Variants in TP63 observed in about 807,000 individuals in gnomAD.
The protein encoded by TP63 is tumor protein 63.
TP63 carries 17 observed loss-of-function variants against 82.8 expected under a neutral mutation model. The observed-to-expected ratio is 0.21, with a 90% confidence interval of 0.14 to 0.31. The LOEUF (loss-of-function observed/expected upper bound fraction) is 0.31. Among genes scored for constraint, TP63 ranks in the 10% least tolerant of loss-of-function variants. TP63 has a pLI of 1.00. For synonymous variants in TP63, 330 were observed against 321.7 expected (o/e 1.03, Z -0.28); for missense variants, 648 against 895.3 (o/e 0.72, Z 3.52).
At chr3:189,853,120 T>A (rs1272924796) in intron 4 of TP63, among the ~76,000 whole-genome samples, 1 of 152,250 alleles carries the variant, frequency 6.6e-6, no homozygotes, top group Non-Finnish European at 1.5e-5. Context: ...TCATCACCTC[T>A]ACTGCTGGTC....
intron 1 of TP63, among the ~76,000 whole-genome samples, chr3:189,705,413 A>G (rs1017208807): frequency 6.6e-6 from 1 of 152,016 alleles, no homozygotes; most frequent in East Asian, 1.9e-4. Flanking sequence ...AACGCTTTTC[A>G]TTCTTATTCT....
intron 3 of TP63, among the ~76,000 whole-genome samples, chr3:189,779,475 A>G (rs927987974): frequency 3.9e-5 from 6 of 152,188 alleles, no homozygotes; most frequent in Admixed American, 2.0e-4. Context: ...ACATGTAGGG[A>G]AAAAAGCTGC....
At chr3:189,633,386 C>T (rs2108604581) in intron 1 of TP63, among the ~76,000 whole-genome samples, 1 of 152,148 alleles carries the variant, frequency 6.6e-6, no homozygotes, top group South Asian at 2.1e-4. Flanking sequence ...CTCCCACCTT[C>T]CACCCTCTGA....
chr3:189,683,363 G>T (rs1220213893), intron 1 of TP63, among the ~76,000 whole-genome samples: 1 of 152,166 alleles, frequency 6.6e-6, no homozygotes, highest in South Asian at 2.1e-4. Flanking sequence ...TCAGTATGTG[G>T]CAGAGCTAAA....
At chr3:189,807,634 AT>A (rs989627791) in intron 3 of TP63, among the ~76,000 whole-genome samples, 1 of 152,192 alleles carries the variant, frequency 6.6e-6, no homozygotes, top group African/African-American at 2.4e-5. Context: ...AGTTTGGATG[AT>A]TTACTAGCAT....
chr3:189,852,178 G>C (rs987656700), intron 4 of TP63, among the ~76,000 whole-genome samples: 2 of 152,174 alleles, frequency 1.3e-5, no homozygotes, highest in East Asian at 1.9e-4. Flanking sequence ...ACAGTTGTTG[G>C]TGTTGGACAA....
rs563291347 is a variant in TP63, at chr3:189,665,578, A to G, written c.62+34001A>G. On this transcript the variant is annotated intron_variant, in intron 1 of 13. Coordinates refer to ENST00000264731, the MANE Select transcript of TP63 (RefSeq NM_003722.5). ...GAAGGCAAAACCTAACATGCAGAGG[A>G]TGGCTGAGCAGGAAGAAGAGTGAAT... Among the ~76,000 whole-genome samples, 12 of 152,240 alleles carry G rather than the reference A, an allele frequency of 7.9e-5. No individual in the cohort carries two copies. In the East Asian group the frequency reaches 2.3e-3, roughly 29 times the overall value.
At chr3:189,613,595 G>A in the TP63 span, among the ~76,000 whole-genome samples, 1 of 152,146 alleles carries the variant, frequency 6.6e-6, no homozygotes, top group African/African-American at 2.4e-5. Context: ...GTGAGAAGAG[G>A]GCCACAGTCC....
intron 2 of TP63, 26 bp downstream of exon 2, chr3:189,737,894 T>G: frequency 6.2e-7 from 1 of 1,613,464 alleles, no homozygotes; most frequent in Admixed American, 1.7e-5. Flanking sequence ...GCAAGAAATG[T>G]TTTGCTTGAG....
At chr3:189,628,191 G>A (rs528380978), upstream of TP63, among the ~76,000 whole-genome samples, 1 of 152,202 alleles carries the variant, frequency 6.6e-6, no homozygotes, top group Admixed American at 6.5e-5. Context: ...AAGTGGGGAA[G>A]GTTTCTTTTA....
intron 1 of TP63, among the ~76,000 whole-genome samples, chr3:189,728,888 T>C (rs1182396797): frequency 6.6e-6 from 1 of 152,186 alleles, no homozygotes; most frequent in Non-Finnish European, 1.5e-5. Context: ...TGGGGATTAT[T>C]ACAATTCAAG....
chr3:189,648,360 C>T (rs1317035658), intron 1 of TP63, among the ~76,000 whole-genome samples: 1 of 146,912 alleles, frequency 6.8e-6, no homozygotes, highest in African/African-American at 2.6e-5. Flanking sequence ...TCTGTCTCTT[C>T]ACTTTGGAAA....
At chr3:189,728,091 A>T (rs983762668) in intron 1 of TP63, among the ~76,000 whole-genome samples, 1 of 151,988 alleles carries the variant, frequency 6.6e-6, no homozygotes, top group Non-Finnish European at 1.5e-5. Context: ...TTGCCTAAGG[A>T]TCCAGGATGG....
At chr3:189,765,433 C>CTTTTTTTTTTGTTTTTTTTTTTT (rs1722875011) in intron 3 of TP63, among the ~76,000 whole-genome samples, 1 of 30,088 alleles carries the variant, frequency 3.3e-5, no homozygotes, top group Non-Finnish European at 5.9e-5. Flanking sequence ...CTGTCCTCTG[C>CTTTTTTTTTTGTTTTTTTTTTTT]TTTTTTTTTT....
chr3:189,664,115 A>G (rs1714166642), intron 1 of TP63, among the ~76,000 whole-genome samples: 1 of 152,160 alleles, frequency 6.6e-6, no homozygotes, highest in South Asian at 2.1e-4. Context: ...CTTAGGTCTG[A>G]CTTCCCCCTA....
At position 189,724,838 on chromosome 3, in the gene TP63, A is replaced by C. The variant is rs867303945; in HGVS notation, c.63-12902A>C. ...GGATGCATCCGGGAACGGGGCAATC[A>C]GCTCATGTTAAGCTTACATTCTTCA... On this transcript the variant is annotated intron_variant, in intron 1 of 13. Coordinates refer to ENST00000264731, the MANE Select transcript of TP63 (RefSeq NM_003722.5). Among the ~76,000 whole-genome samples the C allele has an allele frequency of 1.1e-4, 17 of 152,334 alleles. No homozygotes were observed. The Middle Eastern group carries it at 0.014, about 122-fold the overall frequency.
At chr3:189,668,843 T>C (rs1714636381) in intron 1 of TP63, among the ~76,000 whole-genome samples, 3 of 151,870 alleles carry the variant, frequency 2.0e-5, no homozygotes, top group Admixed American at 1.3e-4. Context: ...GGAGACCTTA[T>C]CTCTAAAAAC....
In TP63 at chr3:189,879,397, A is replaced by T. The variant is rs993756601; in HGVS notation, c.1349+6402A>T. On this transcript the variant is annotated intron_variant, in intron 10 of 13. Transcript: ENST00000264731. Reference sequence around the variant, plus strand: ...GCAAAAAATTGCTTTCTTGGGTTTGATATATGCATTTATAGGCCGAGTTTT... The same window carrying T: ...GCAAAAAATTGCTTTCTTGGGTTTGTTATATGCATTTATAGGCCGAGTTTT... Among the ~76,000 whole-genome samples, 7 of 152,304 alleles carry T rather than the reference A, an allele frequency of 4.6e-5. No individual in the cohort carries two copies. In the South Asian group the frequency reaches 1.2e-3, roughly 27 times the overall value.
At chr3:189,875,617 T>TATATACAC (rs1553859732) in intron 10 of TP63, among the ~76,000 whole-genome samples, 2 of 104,094 alleles carry the variant, frequency 1.9e-5, no homozygotes, top group Non-Finnish European at 4.0e-5. Flanking sequence ...TATATATATA[T>TATATACAC]ATATATATAT....
Sources: gnomAD v4.1 joint callset for allele counts (sites outside exome capture counted in the v4.1 genomes callset) on GRCh38, gnomAD v4.1.1 for gene constraint, MANE v1.5 for transcripts, NCBI Gene and HGNC (gene_info 2026-07-23, HGNC 2026-07-21) for gene names.